The following TMEM245 variants were observed in gnomAD, a reference collection of about 807,000 sequenced individuals.
The protein encoded by TMEM245 is transmembrane protein 245.
Under a neutral mutation model 101.2 loss-of-function variants are expected in TMEM245, and 69 were observed. That is an observed-to-expected ratio of 0.68 (90% CI 0.56 to 0.83). TMEM245 has a LOEUF of 0.83. Ranked by LOEUF, TMEM245 falls within the 40% of genes least tolerant of loss-of-function variation. The pLI is 0.00. For missense variants in TMEM245, 1,075 were observed against 1,092.8 expected (o/e 0.98, Z 0.23); for synonymous variants, 537 against 449.8 (o/e 1.19, Z -2.45).
intron 1 of TMEM245, among the ~76,000 whole-genome samples, chr9:109,111,475 T>C (rs962178578): frequency 1.3e-5 from 2 of 152,000 alleles, no homozygotes; most frequent in Non-Finnish European, 2.9e-5. Flanking sequence ...TTCAGATTTT[T>C]TAAGAGAAAT....
At chr9:109,107,310 A>C (rs1830454556) in intron 2 of TMEM245, among the ~76,000 whole-genome samples, 2 of 151,278 alleles carry the variant, frequency 1.3e-5, no homozygotes, top group African/African-American at 2.4e-5. Context: ...GAGACAGGAG[A>C]ATTGCTTGAA....
In TMEM245 at chr9:109,018,568, G is replaced by C. The variant is rs1372587928; in HGVS notation, c.*1892C>G. On this transcript the variant is annotated 3_prime_UTR_variant, in exon 18 of 18. Coordinates refer to ENST00000374586, the MANE Select transcript of TMEM245 (RefSeq NM_032012.4). ...ACTCCATATAGTCAAAAGATCTCAT[G>C]GTAGCCTTTTCTAAATGAAATTTTT... 2 of 152,068 alleles carry C rather than the reference G, an allele frequency of 1.3e-5. No individual in the cohort carries two copies. The highest frequency in any genetic ancestry group is 2.9e-5 in the Non-Finnish European group (2 of 68,028). The allele number at this position is 152,068 out of a possible 1,614,324, so 9.4% of individuals were successfully genotyped here. A position where few individuals can be genotyped will look rare whatever the true frequency, so the allele number is the denominator to read the frequency against.
intron 8 of TMEM245, 87 bp from the exon 9 acceptor site, chr9:109,073,525 T>C (rs1212177468): frequency 1.9e-6 from 2 of 1,030,442 alleles, no homozygotes; most frequent in Non-Finnish European, 2.9e-6. Flanking sequence ...ATTGGAACAA[T>C]GCTTTGAGAG....
At chr9:109,045,929 A>T (rs1828475966) in intron 14 of TMEM245, among the ~76,000 whole-genome samples, 1 of 152,216 alleles carries the variant, frequency 6.6e-6, no homozygotes, top group Non-Finnish European at 1.5e-5. Context: ...ATTCTTCCTT[A>T]TACATTTAAA....
Position 109,068,750 on chromosome 9 carries a change from A to G in TMEM245, c.1533-4183T>C, listed in dbSNP as rs754260223. Among the ~76,000 whole-genome samples, 3 of 152,238 alleles carry G rather than the reference A, an allele frequency of 2.0e-5. No individual in the cohort carries two copies. In the East Asian group the frequency reaches 5.8e-4, roughly 29 times the overall value. Reference sequence around the variant, plus strand: ...GAGCTTCAAGAGAATTATGCTAAGCAACAAAAAGCCAATCTCAAAAGGCTG... The same window carrying G: ...GAGCTTCAAGAGAATTATGCTAAGCGACAAAAAGCCAATCTCAAAAGGCTG... On this transcript the variant is annotated intron_variant, in intron 9 of 17. Transcript: ENST00000374586.
chr9:109,043,934 C>G (rs890249403), intron 14 of TMEM245, among the ~76,000 whole-genome samples: 9 of 152,274 alleles, frequency 5.9e-5, no homozygotes, highest in African/African-American at 2.2e-4. Context: ...TTTTTCTCAG[C>G]TAGGATTTTC....
intron 8 of TMEM245, among the ~76,000 whole-genome samples, chr9:109,079,610 T>C (rs1181257374): frequency 6.6e-6 from 1 of 151,986 alleles, no homozygotes; most frequent in Non-Finnish European, 1.5e-5. Context: ...CAGAAATAAA[T>C]GGTTCAGTAA....
At chr9:109,084,950 T>A (rs1158712405) in intron 7 of TMEM245, among the ~76,000 whole-genome samples, 4 of 152,118 alleles carry the variant, frequency 2.6e-5, no homozygotes, top group African/African-American at 9.7e-5. Context: ...TCCTAACCCA[T>A]CCAAAAGTCT....
At chr9:109,076,721 C>T (rs1829521661) in intron 8 of TMEM245, among the ~76,000 whole-genome samples, 3 of 152,182 alleles carry the variant, frequency 2.0e-5, no homozygotes, top group South Asian at 4.1e-4. Flanking sequence ...ACAGTGATCT[C>T]GCTCTGTCAC....
At chr9:109,103,952 G>C (rs1279547846) in intron 3 of TMEM245, among the ~76,000 whole-genome samples, 1 of 151,958 alleles carries the variant, frequency 6.6e-6, no homozygotes, top group Non-Finnish European at 1.5e-5. Context: ...AGGCATGATG[G>C]CGGGTGCCTG....
chr9:109,057,925 C>CTTTTT (rs35332085), intron 11 of TMEM245, among the ~76,000 whole-genome samples: 37 of 112,650 alleles, frequency 3.3e-4, no homozygotes, highest in Non-Finnish European at 3.7e-4. Context: ...CATTTACTTT[C>CTTTTT]TTTTTTTTTT....
Position 109,020,307 on chromosome 9 carries a change from T to G in TMEM245, c.*153A>C, listed in dbSNP as rs1827580468. ...AAGCAGCCCGCAGCAAGTTCTCTCT[T>G]GTCCAGGCATTCTGTATGTAAGGCC... On this transcript the variant is annotated 3_prime_UTR_variant, in exon 18 of 18. Transcript: ENST00000374586. 1 of 780,864 alleles carries G rather than the reference T, an allele frequency of 1.3e-6. No individual in the cohort carries two copies. Among genetic ancestry groups the G allele is most frequent in the South Asian group, 1.4e-5 (1 of 71,752 alleles). The allele number at this position is 780,864 out of a possible 1,614,324, so 48.4% of individuals were successfully genotyped here. A position where few individuals can be genotyped will look rare whatever the true frequency, so the allele number is the denominator to read the frequency against.
chr9:109,086,665 C>T (rs1564198765), intron 6 of TMEM245, among the ~76,000 whole-genome samples: 1 of 152,234 alleles, frequency 6.6e-6, no homozygotes, highest in East Asian at 1.9e-4. Flanking sequence ...TTCATGGATT[C>T]ATAGTCCATG....
chr9:109,063,131 C>CT (rs141525411), intron 10 of TMEM245, among the ~76,000 whole-genome samples: 3,830 of 151,298 alleles, frequency 0.025, 161 homozygotes, highest in African/African-American at 0.088. Flanking sequence ...ATTTTTTTTT[C>CT]TTTTTTTTGA....
In TMEM245 at chr9:109,119,871, T is replaced by C. The variant is rs771630490; in HGVS notation, c.43A>G (p.Ser15Gly). 2.3e-6 allele frequency: 3 copies of C among 1,314,592 alleles called. No homozygotes were observed. The highest frequency in any genetic ancestry group is 2.9e-6 in the Non-Finnish European group (3 of 1,041,240). 81.4% of individuals were successfully genotyped at this position (1,314,592 alleles called of 1,614,324 possible). A position where few individuals can be genotyped will look rare whatever the true frequency, so the allele number is the denominator to read the frequency against. ...GGPKDAPSLR[S>G]SPGPAPRVPR... The stretch of plus-strand genomic sequence containing the variant: ...ACCCGCGGCGCCGGCCCGGGAGAGC[T>C]CCGCAGGCTTGGCGCGTCCTTAGGG... Residue 15 changes from serine to glycine, a missense_variant, in exon 1 of 18, where the codon AGC becomes GGC. By Grantham distance (56) the Ser-to-Gly change is moderately conservative. Around this residue, in one of 2 missense-constraint regions of TMEM245, gnomAD observed 808 missense variants for 741.5 expected, o/e 1.09. Coordinates refer to ENST00000374586, the MANE Select transcript of TMEM245 (RefSeq NM_032012.4).
intron 16 of TMEM245, among the ~76,000 whole-genome samples, chr9:109,035,695 T>C (rs983169115): frequency 3.3e-5 from 5 of 152,172 alleles, no homozygotes; most frequent in Admixed American, 6.5e-5. Context: ...CTAGGTTAAA[T>C]GTCACTAAAT....
At chr9:109,101,696 A>T (rs1830285764) in intron 3 of TMEM245, among the ~76,000 whole-genome samples, 2 of 152,200 alleles carry the variant, frequency 1.3e-5, no homozygotes, top group African/African-American at 4.8e-5. Context: ...TGTACTCAAC[A>T]TTTATTCTGT....
chr9:109,093,131 A>G (rs1830052678), intron 4 of TMEM245, among the ~76,000 whole-genome samples: 1 of 152,208 alleles, frequency 6.6e-6, no homozygotes, highest in South Asian at 2.1e-4. Context: ...ATATGCGTAA[A>G]GTGGAGGGAA....
At position 109,016,472 on chromosome 9, in the gene TMEM245, T is replaced by C. The variant is rs1318789491; in HGVS notation, c.*3988A>G. The C allele has an allele frequency of 6.6e-6, 1 of 152,226 alleles. No homozygotes were observed. The highest frequency in any genetic ancestry group is 1.5e-5 in the Non-Finnish European group (1 of 68,032). 9.4% of individuals were successfully genotyped at this position (152,226 alleles called of 1,614,324 possible). On this transcript the variant is annotated 3_prime_UTR_variant, in exon 18 of 18. Coordinates refer to ENST00000374586, the MANE Select transcript of TMEM245 (RefSeq NM_032012.4). ...TGAATTCTGTTACTAACTGGCTGTA[T>C]GTGTATGTCAGACAAGCCACTTAAA...
Sources: gnomAD v4.1 joint callset for allele counts (sites outside exome capture counted in the v4.1 genomes callset) on GRCh38, gnomAD v4.1.1 for gene constraint, gnomAD v4.1.1 regional missense constraint, MANE v1.5 for transcripts, NCBI Gene and HGNC (gene_info 2026-07-23, HGNC 2026-07-21) for gene names.